The following ZNF804B variants were observed in gnomAD, a reference collection of about 807,000 sequenced individuals.
ZNF804B encodes the protein zinc finger 804B.
In ZNF804B, 80 loss-of-function variants were observed where a neutral mutation model predicts 101.4. The observed-to-expected ratio is 0.79, with a 90% CI of 0.66 to 0.95. ZNF804B has a LOEUF of 0.95. Ranked by LOEUF, ZNF804B falls within the 40% of genes least tolerant of loss-of-function variation. The pLI is 0.00. For missense variants in ZNF804B, 1,673 were observed against 1,561.9 expected (o/e 1.07, Z -1.20); for synonymous variants, 622 against 558.8 (o/e 1.11, Z -1.59).
chr7:88,989,935 CTATTATT>C (rs1793820432), intron 1 of ZNF804B, among the ~76,000 whole-genome samples: 1 of 151,918 alleles, frequency 6.6e-6, no homozygotes, highest in Non-Finnish European at 1.5e-5. Flanking sequence ...ACCTACCTAC[CTATTATT>C]TATCCCTTCT....
intron 1 of ZNF804B, among the ~76,000 whole-genome samples, chr7:88,800,102 C>A (rs1790555254): frequency 6.6e-6 from 1 of 151,970 alleles, no homozygotes; most frequent in Non-Finnish European, 1.5e-5. Flanking sequence ...AATGATCAGC[C>A]AAAGAGAACT....
intron 1 of ZNF804B, among the ~76,000 whole-genome samples, chr7:89,106,840 T>G (rs1048630389): frequency 2.0e-5 from 3 of 152,116 alleles, no homozygotes. Context: ...GAATATCCCA[T>G]GTTTTCAAGT....
chr7:88,968,243 A>G (rs566163034), intron 1 of ZNF804B, among the ~76,000 whole-genome samples: 5 of 151,638 alleles, frequency 3.3e-5, no homozygotes, highest in African/African-American at 4.8e-5. Flanking sequence ...TACTAATACT[A>G]TTGTCCTTTT....
chr7:89,292,833 C>A (rs1036698632), intron 2 of ZNF804B, among the ~76,000 whole-genome samples: 2 of 151,230 alleles, frequency 1.3e-5, no homozygotes, highest in Non-Finnish European at 2.9e-5. Flanking sequence ...TAGTAATAAA[C>A]AACTGGACTT....
At chr7:89,053,990 T>A (rs1351424442) in intron 1 of ZNF804B, among the ~76,000 whole-genome samples, 1 of 152,054 alleles carries the variant, frequency 6.6e-6, no homozygotes, top group African/African-American at 2.4e-5. Context: ...CATATATGGC[T>A]TTAACCTCTT....
intron 1 of ZNF804B, among the ~76,000 whole-genome samples, chr7:88,872,224 C>T (rs139199630): frequency 4.0e-4 from 61 of 152,166 alleles, no homozygotes; most frequent in Admixed American, 3.5e-3. Context: ...AAGCACAGTT[C>T]AGTATTACAC....
intron 1 of ZNF804B, among the ~76,000 whole-genome samples, chr7:88,801,303 G>GA (rs924638257): frequency 6.8e-4 from 96 of 142,160 alleles, no homozygotes; most frequent in East Asian, 1.6e-3. Context: ...GAGGAGAGGG[G>GA]AAAAAAAAAA....
At chr7:88,915,069 G>A (rs980476484) in intron 1 of ZNF804B, among the ~76,000 whole-genome samples, 3 of 152,004 alleles carry the variant, frequency 2.0e-5, no homozygotes, top group Non-Finnish European at 4.4e-5. Flanking sequence ...TGAAACAGGA[G>A]TTGTGTTAGA....
At chr7:89,202,191 C>T (rs1480681272) in intron 1 of ZNF804B, among the ~76,000 whole-genome samples, 1 of 152,074 alleles carries the variant, frequency 6.6e-6, no homozygotes, top group Non-Finnish European at 1.5e-5. Flanking sequence ...AATGTGAAGA[C>T]AATTTTAAAA....
At chr7:88,836,458 G>T (rs1791216370) in intron 1 of ZNF804B, among the ~76,000 whole-genome samples, 2 of 151,814 alleles carry the variant, frequency 1.3e-5, no homozygotes, top group Non-Finnish European at 2.9e-5. Flanking sequence ...GAATCACTTG[G>T]TAGTCAAGCA....
rs565720531 is a variant in ZNF804B at position 88,817,406 on chromosome 7, A to G, written c.108+57322A>G. Among the ~76,000 whole-genome samples, 4 of 151,334 alleles carry G rather than the reference A, an allele frequency of 2.6e-5. No homozygotes were observed. The South Asian group carries it at 8.4e-4, about 32-fold the overall frequency. On this transcript the variant is annotated intron_variant, in intron 1 of 3. Transcript: ENST00000333190. The stretch of plus-strand genomic sequence containing the variant: ...AAAAAAATTAAAAAAAAATTCCACC[A>G]TCCCTTAAAAGGCTGCTCTCTCCAT...
At chr7:88,809,311 CTATCT>C (rs1790741316) in intron 1 of ZNF804B, among the ~76,000 whole-genome samples, 1 of 9,362 alleles carries the variant, frequency 1.1e-4, no homozygotes, top group African/African-American at 7.1e-4. Context: ...TGTCATCTAT[CTATCT>C]ATCTATCTAT....
chr7:89,077,381 A>G (rs1347515943), intron 1 of ZNF804B, among the ~76,000 whole-genome samples: 3 of 152,218 alleles, frequency 2.0e-5, no homozygotes, highest in Non-Finnish European at 2.9e-5. Flanking sequence ...TGTTTCTGAT[A>G]GCTGTAAGAT....
Position 89,024,670 on chromosome 7 carries a change from A to G in ZNF804B, c.109-193485A>G, listed in dbSNP as rs1463307339. Reference sequence around the variant, plus strand: ...GAAGAGTATCATTCTTGAAAAAAAAAAAAAAAAAAAGATGTGAAATTAAGA... The same window carrying G: ...GAAGAGTATCATTCTTGAAAAAAAAGAAAAAAAAAAGATGTGAAATTAAGA... On this transcript the variant is annotated intron_variant, in intron 1 of 3. Coordinates refer to ENST00000333190, the MANE Select transcript of ZNF804B (RefSeq NM_181646.5). Among the ~76,000 whole-genome samples, 3 of 150,704 alleles carry G rather than the reference A, an allele frequency of 2.0e-5. No individual in the cohort carries two copies. The East Asian group carries it at 5.8e-4, about 29-fold the overall frequency.
chr7:89,171,284 TG>T (rs1393014983), intron 1 of ZNF804B, among the ~76,000 whole-genome samples: 1,775 of 66,068 alleles, frequency 0.027, 61 homozygotes, highest in Middle Eastern at 0.053. Context: ...ATAATGCTGC[TG>T]CTGCTTCTTC....
chr7:89,157,682 T>C (rs980135259), intron 1 of ZNF804B, among the ~76,000 whole-genome samples: 4 of 152,172 alleles, frequency 2.6e-5, no homozygotes, highest in African/African-American at 9.6e-5. Context: ...GAGAAAGATC[T>C]GTAAGTACAC....
intron 2 of ZNF804B, among the ~76,000 whole-genome samples, chr7:89,320,889 A>G (rs1364257607): frequency 6.6e-6 from 1 of 152,170 alleles, no homozygotes; most frequent in Non-Finnish European, 1.5e-5. Flanking sequence ...GAAACTAGAA[A>G]TACATATCCA....
At chr7:88,989,035 A>G (rs1793805908) in intron 1 of ZNF804B, among the ~76,000 whole-genome samples, 2 of 151,870 alleles carry the variant, frequency 1.3e-5, no homozygotes, top group South Asian at 4.1e-4. Flanking sequence ...TATTATTATT[A>G]TTATTTGAGA....
intron 1 of ZNF804B, among the ~76,000 whole-genome samples, chr7:88,960,974 T>C (rs1208547991): frequency 6.6e-6 from 1 of 151,460 alleles, no homozygotes; most frequent in Non-Finnish European, 1.5e-5. Context: ...TAACCTTGGA[T>C]AATTAAGATT....
Sources: allele counts gnomAD v4.1 joint callset (sites outside exome capture counted in the v4.1 genomes callset), GRCh38; gene constraint gnomAD v4.1.1; transcripts MANE v1.5; gene names NCBI Gene and HGNC (gene_info 2026-07-23, HGNC 2026-07-21).